NFATC4: variants seen among roughly 807,000 people sequenced by gnomAD.
NFATC4 encodes nuclear factor of activated T cells 4.
In NFATC4, 25 loss-of-function variants were observed where a neutral mutation model predicts 73.4. That is an observed-to-expected ratio of 0.34 (90% CI 0.25 to 0.48). The LOEUF (loss-of-function observed/expected upper bound fraction) is 0.48. Among genes scored for constraint, NFATC4 ranks in the 20% least tolerant of loss-of-function variants. The pLI is 0.99. For synonymous variants in NFATC4, 523 were observed against 510.3 expected (o/e 1.02, Z -0.34); for missense variants, 1,130 against 1,203.7 (o/e 0.94, Z 0.91).
At chr14:24,371,065 C>G (rs796645317) in intron 2 of NFATC4, among the ~76,000 whole-genome samples, 12 of 152,300 alleles carry the variant, frequency 7.9e-5, no homozygotes, top group African/African-American at 2.9e-4. Context: ...AGAGCCTGAC[C>G]TACTAGCTTA....
Position 24,373,928 on chromosome 14 carries a change from G to T in NFATC4, c.1732+61G>T, listed in dbSNP as rs1462008556. 1 of 1,598,856 alleles carries T rather than the reference G, an allele frequency of 6.3e-7. No homozygotes were observed. The highest frequency in any genetic ancestry group is 1.3e-5 in the African/African-American group (1 of 74,690). On this transcript the variant is annotated intron_variant, in intron 5 of 9. Coordinates refer to ENST00000250373, the MANE Select transcript of NFATC4 (RefSeq NM_004554.5). This position sits in a 1 kb window ranked among gnomAD's most constrained non-coding sequence, Gnocchi z 4.7. Reference sequence around the variant, plus strand: ...TTGCAACTCTTTTGTCTGTGTGTGTGTGTCTGTCTGCCCATTCCCTCTGCA... The same window carrying T: ...TTGCAACTCTTTTGTCTGTGTGTGTTTGTCTGTCTGCCCATTCCCTCTGCA...
chr14:24,369,586 G>A lies in NFATC4; in HGVS notation c.188G>A (p.Arg63Gln), dbSNP rs765923793. The A allele has an allele frequency of 1.2e-6, 2 of 1,612,740 alleles. No homozygotes were observed. Among genetic ancestry groups the A allele is most frequent in the Non-Finnish European group, 1.7e-6 (2 of 1,179,422 alleles). The change falls in exon 2 of 10, where the codon CGA becomes CAA. Residue 63 changes from arginine (R) to glutamine (Q), a missense_variant. Arg to Gln is a conservative substitution (Grantham distance 43, BLOSUM62 1). Around this residue, in one of 3 missense-constraint regions of NFATC4, gnomAD observed 585 missense variants for 574.3 expected, o/e 1.02. Coordinates refer to ENST00000250373, the MANE Select transcript of NFATC4 (RefSeq NM_004554.5). ...GGCGCTGCACCTATCGGTATTCCCC[G>A]ACCTCCACCCCCTCGGCCTGGCATG... The part of the protein sequence containing the change: ...PYGAAPIGIP[R>Q]PPPPRPGMHS...
upstream of NFATC4, chr14:24,367,255 A>C: frequency 6.6e-7 from 1 of 1,511,626 alleles, no homozygotes; most frequent in Non-Finnish European, 9.0e-7. Context: ...GGGGCCAAGG[A>C]GGGGGAAGAG....
intron 5 of NFATC4, 77 bp from the exon 6 acceptor site, chr14:24,374,249 C>A (rs1249091358): frequency 1.3e-6 from 2 of 1,527,524 alleles, no homozygotes; most frequent in African/African-American, 2.8e-5. Context: ...GGCAGTTTTC[C>A]CAAAGAGGGT....
At position 24,372,507 on chromosome 14, in the gene NFATC4, C is replaced by A; in HGVS notation, c.1263C>A (p.Ile421=). Residue 421 remains isoleucine, a synonymous_variant, in exon 3 of 10, where the codon ATC becomes ATA. Transcript: ENST00000250373. ...PSQYEQLELR[I]EVQPRAHHRA... ...AATATGAGCAGCTGGAGCTGAGGAT[C>A]GAGGTACAGCCTAGAGCCCACCACC... The A allele has an allele frequency of 6.2e-7, 1 of 1,614,022 alleles. No individual in the cohort carries two copies. The highest frequency in any genetic ancestry group is 1.3e-5 in the African/African-American group (1 of 75,016).
In NFATC4 at chr14:24,373,771, A is replaced by C; in HGVS notation, c.1636A>C (p.Lys546Gln). 6.2e-7 allele frequency: 1 copy of C among 1,614,168 alleles called. No individual in the cohort carries two copies. Among genetic ancestry groups the C allele is most frequent in the Non-Finnish European group, 8.5e-7 (1 of 1,180,028 alleles). The change falls in exon 5 of 10, where the codon AAA (lysine) becomes CAA (glutamine). Residue 546 changes from lysine to glutamine, a missense_variant. Coordinates refer to ENST00000250373, the MANE Select transcript of NFATC4 (RefSeq NM_004554.5). This position sits in a 1 kb window ranked among gnomAD's most constrained non-coding sequence, Gnocchi z 4.7. ...GAAGGGTGAGACGGACATCGGGCGC[A>C]AAAACACACGTGTACGGCTGGTGTT... ...LRKGETDIGR[K>Q]NTRVRLVFRV...
chr14:24,374,625 C>A lies in NFATC4; in HGVS notation c.1873+159C>A, dbSNP rs568930517. 5.3e-4 allele frequency: 350 copies of A among 657,882 alleles called. 2 individuals carry two copies. The African/African-American group carries it at 6.0e-3, about 11-fold the overall frequency. The allele number at this position is 657,882 out of a possible 1,614,324, so 40.8% of individuals were successfully genotyped here. ...CCCTTTCTATTATACTGTCTGCTTT[C>A]CATGTGGGATGGGTATGACAGCAAT... On this transcript the variant is annotated intron_variant, in intron 6 of 9. Transcript: ENST00000250373.
chr14:24,377,742 C>T lies in NFATC4; in HGVS notation c.*37C>T, dbSNP rs1353813801. The T allele has an allele frequency of 6.2e-7, 1 of 1,614,014 alleles. No homozygotes were observed. Among genetic ancestry groups the T allele is most frequent in the Non-Finnish European group, 8.5e-7 (1 of 1,179,990 alleles). ...TGTCATCACCTGGCAACCCCAGCCCCAGCCTCAGCCCTGCCCCCTTTCCCT... is the reference window on the plus strand; with the variant it reads ...TGTCATCACCTGGCAACCCCAGCCCTAGCCTCAGCCCTGCCCCCTTTCCCT... On this transcript the variant is annotated 3_prime_UTR_variant, in exon 10 of 10. Coordinates refer to ENST00000250373, the MANE Select transcript of NFATC4 (RefSeq NM_004554.5). This position sits in a 1 kb window ranked among gnomAD's most constrained non-coding sequence, Gnocchi z 4.2.
rs780374843 is a variant in NFATC4 at position 24,370,302 on chromosome 14, C to T, written c.904C>T (p.Pro302Ser). 3.1e-6 allele frequency: 5 copies of T among 1,611,360 alleles called. No homozygotes were observed. Among genetic ancestry groups the T allele is most frequent in the Non-Finnish European group, 4.2e-6 (5 of 1,178,182 alleles). ...GGGGTCTGAGCCACCTCCACCACCCCCATTGCCTCTGGCCCGGGACCCGGG... is the reference window on the plus strand; with the variant it reads ...GGGGTCTGAGCCACCTCCACCACCCTCATTGCCTCTGGCCCGGGACCCGGG... ...EEGSEPPPPPPLPLARDPGSP... is the reference protein window; with the variant it reads ...EEGSEPPPPPSLPLARDPGSP... The change falls in exon 2 of 10, where the codon CCA becomes TCA. Residue 302 changes from proline (P) to serine (S), a missense_variant. Pro to Ser is a moderately conservative substitution (Grantham distance 74, BLOSUM62 -1). Coordinates refer to ENST00000250373, the MANE Select transcript of NFATC4 (RefSeq NM_004554.5).
In NFATC4 at chr14:24,370,569, A is replaced by C. The variant is rs765805909; in HGVS notation, c.1171A>C (p.Ile391Leu). Residue 391 changes from isoleucine to leucine, a missense_variant, in exon 2 of 10, where the codon ATT becomes CTT. This residue lies in a region of NFATC4 where 585 missense variants were observed against 574.3 expected (regional missense o/e 1.02). Transcript: ENST00000250373. ...PSPLAWSKAR[I>L]GGHSPIFRTS... Reference sequence around the variant, plus strand: ...CCCACTCGCTTGGTCCAAGGCCCGGATTGGGGGACACAGCCCTATCTTCAG... The same window carrying C: ...CCCACTCGCTTGGTCCAAGGCCCGGCTTGGGGGACACAGCCCTATCTTCAG... 6.8e-6 allele frequency: 11 copies of C among 1,611,088 alleles called. No homozygotes were observed. The highest frequency in any genetic ancestry group is 1.7e-5 in the Admixed American group (1 of 59,944).
rs1186776305 is a variant in NFATC4, at chr14:24,368,412, C to T, written c.72C>T (p.Pro24=). The change falls in exon 1 of 10, where the codon CCC becomes CCT. Residue 24 remains proline, a synonymous_variant. Coordinates refer to ENST00000250373, the MANE Select transcript of NFATC4 (RefSeq NM_004554.5). The part of the protein sequence containing the change: ...KLVFGEEKEA[P]PLGAGGLGEE... Reference sequence around the variant, plus strand: ...TGTTCGGGGAGGAAAAGGAGGCCCCCCCGCTGGGCGCGGGGGGATTGGGGG... The same window carrying T: ...TGTTCGGGGAGGAAAAGGAGGCCCCTCCGCTGGGCGCGGGGGGATTGGGGG... 1 of 1,348,600 alleles carries T rather than the reference C, an allele frequency of 7.4e-7. No individual in the cohort carries two copies. Among genetic ancestry groups the T allele is most frequent in the Non-Finnish European group, 9.5e-7 (1 of 1,048,378 alleles). 83.5% of individuals were successfully genotyped at this position (1,348,600 alleles called of 1,614,324 possible).
In NFATC4 at chr14:24,369,920, C is replaced by G. The variant is rs143052500; in HGVS notation, c.522C>G (p.Ser174Arg). ...GAFFSPSPGS[S>R]SLSSWSFFSD... ...TCTTCAGCCCAAGCCCTGGCAGCAGCAGCCTGTCCTCGTGGAGCTTCTTCT... is the reference window on the plus strand; with the variant it reads ...TCTTCAGCCCAAGCCCTGGCAGCAGGAGCCTGTCCTCGTGGAGCTTCTTCT... Residue 174 changes from serine to arginine, a missense_variant, in exon 2 of 10, where the codon AGC (serine) becomes AGG (arginine). By Grantham distance (110) the Ser-to-Arg change is moderately radical. This residue lies in a region of NFATC4 where 585 missense variants were observed against 574.3 expected (regional missense o/e 1.02). Coordinates refer to ENST00000250373, the MANE Select transcript of NFATC4 (RefSeq NM_004554.5). 3.1e-6 allele frequency: 5 copies of G among 1,612,794 alleles called. No individual in the cohort carries two copies. The highest frequency in any genetic ancestry group is 4.2e-6 in the Non-Finnish European group (5 of 1,179,890).
Position 24,375,962 on chromosome 14 carries a change from T to A in NFATC4, c.1930-13T>A. 6.2e-7 allele frequency: 1 copy of A among 1,613,820 alleles called. No homozygotes were observed. Among genetic ancestry groups the A allele is most frequent in the Non-Finnish European group, 8.5e-7 (1 of 1,179,920 alleles). ...GCCCGAGGGCTCCCTGCCTCATTTT[T>A]ACTCTTCCCTAGGTGACGCTGACCC... On this transcript the variant is annotated splice_polypyrimidine_tract_variant and intron_variant, in intron 7 of 9. Coordinates refer to ENST00000250373, the MANE Select transcript of NFATC4 (RefSeq NM_004554.5).
At position 24,368,445 on chromosome 14, in the gene NFATC4, G is replaced by T; in HGVS notation, c.100+5G>T. ...GCGCGGGGGGATTGGGGGAAGGTTAGTGCTGGGCTGGGAAGGGGTCTTGGG... is the reference window on the plus strand; with the variant it reads ...GCGCGGGGGGATTGGGGGAAGGTTATTGCTGGGCTGGGAAGGGGTCTTGGG... On this transcript the variant is annotated splice_donor_5th_base_variant and intron_variant, in intron 1 of 9. Transcript: ENST00000250373. 1 of 1,321,956 alleles carries T rather than the reference G, an allele frequency of 7.6e-7. No homozygotes were observed. Among genetic ancestry groups the T allele is most frequent in the Non-Finnish European group, 9.7e-7 (1 of 1,032,978 alleles). 81.9% of individuals were successfully genotyped at this position (1,321,956 alleles called of 1,614,324 possible).
At position 24,373,963 on chromosome 14, in the gene NFATC4, G is replaced by T; in HGVS notation, c.1732+96G>T. 6.6e-7 allele frequency: 1 copy of T among 1,523,434 alleles called. No homozygotes were observed. Among genetic ancestry groups the T allele is most frequent in the African/African-American group, 1.4e-5 (1 of 72,834 alleles). The allele number at this position is 1,523,434 out of a possible 1,614,324, so 94.4% of individuals were successfully genotyped here. ...GCCCATTCCCTCTGCAGCGTCCTGT[G>T]CCCTGTCTGTCCTGGGTAGCTCTAT... On this transcript the variant is annotated intron_variant, in intron 5 of 9. Coordinates refer to ENST00000250373, the MANE Select transcript of NFATC4 (RefSeq NM_004554.5). This position sits in a 1 kb window ranked among gnomAD's most constrained non-coding sequence, Gnocchi z 4.7.
chr14:24,369,007 CCT>C, intron 1 of NFATC4: 1 of 1,268,164 alleles, frequency 7.9e-7, no homozygotes, highest in Non-Finnish European at 1.0e-6. Flanking sequence ...CACCTCCGCC[CCT>C]AGATGGCGAG....
In NFATC4 at chr14:24,369,840, C is replaced by T. The variant is rs955503986; in HGVS notation, c.442C>T (p.Pro148Ser). The change falls in exon 2 of 10, where the codon CCA (proline) becomes TCA (serine). Residue 148 changes from proline (P) to serine (S), a missense_variant. Physicochemically the swap from Pro to Ser is moderately conservative, Grantham distance 74. Around this residue, in one of 3 missense-constraint regions of NFATC4, gnomAD observed 585 missense variants for 574.3 expected, o/e 1.02. Coordinates refer to ENST00000250373, the MANE Select transcript of NFATC4 (RefSeq NM_004554.5). The stretch of plus-strand genomic sequence containing the variant: ...GGACGGCTCTCCTAGAGATTACCCC[C>T]CACCAGAAGGCTTTGGGGGCTACAG... ...WGDGSPRDYPPPEGFGGYREA... is the reference protein window; with the variant it reads ...WGDGSPRDYPSPEGFGGYREA... 6.2e-7 allele frequency: 1 copy of T among 1,606,672 alleles called. No individual in the cohort carries two copies. The highest frequency in any genetic ancestry group is 1.1e-5 in the South Asian group (1 of 90,314).
chr14:24,369,164 GC>G, intron 1 of NFATC4: 1 of 1,475,918 alleles, frequency 6.8e-7, no homozygotes, highest in Non-Finnish European at 8.9e-7. Flanking sequence ...TGTGTGAGTC[GC>G]CCCCAGTCCA....
At chr14:24,374,546 A>G in intron 6 of NFATC4, 80 bp downstream of exon 6, 2 of 1,432,692 alleles carry the variant, frequency 1.4e-6, no homozygotes, top group East Asian at 4.6e-5. Context: ...ATTGTCACTA[A>G]ACTGGCCAGT....
Sources: gnomAD v4.1 joint callset for allele counts (sites outside exome capture counted in the v4.1 genomes callset) on GRCh38, gnomAD v4.1.1 for gene constraint, gnomAD v4.1.1 regional missense constraint, Gnocchi (gnomAD v3.1) non-coding constraint, MANE v1.5 for transcripts, NCBI Gene and HGNC (gene_info 2026-07-23, HGNC 2026-07-21) for gene names.